Variants in RALYL observed in about 807,000 individuals in gnomAD.
The protein encoded by RALYL is RNA-binding Raly-like protein.
Under a neutral mutation model 35.1 loss-of-function variants are expected in RALYL, and 29 were observed. The ratio of observed to expected loss-of-function variants is 0.83; its 90% confidence interval spans 0.61 to 1.13. RALYL has a LOEUF of 1.13. Ranked by LOEUF, RALYL falls within the 50% of genes most tolerant of loss-of-function variation. RALYL has a pLI of 0.00. For missense variants in RALYL, 359 were observed against 360.4 expected (o/e 1.00, Z 0.03); for synonymous variants, 120 against 127.6 (o/e 0.94, Z 0.40).
chr8:84,265,135 T>C (rs1186153035), intron 1 of RALYL, among the ~76,000 whole-genome samples: 1 of 152,206 alleles, frequency 6.6e-6, no homozygotes, highest in Non-Finnish European at 1.5e-5. Context: ...ATAGTCCTTG[T>C]TGGTGTACAC....
intron 8 of RALYL, among the ~76,000 whole-genome samples, chr8:84,895,210 T>C (rs553582108): frequency 6.6e-6 from 1 of 152,208 alleles, no homozygotes; most frequent in South Asian, 2.1e-4. Flanking sequence ...TTCCCTGTCC[T>C]ACTGAGAACA....
intron 2 of RALYL, among the ~76,000 whole-genome samples, chr8:84,582,539 A>T (rs751228569): frequency 2.6e-5 from 4 of 152,068 alleles, no homozygotes; most frequent in Non-Finnish European, 5.9e-5. Flanking sequence ...TCTCTCATTC[A>T]TGATTTTTTT....
chr8:84,312,867 A>T (rs1317310512), intron 1 of RALYL, among the ~76,000 whole-genome samples: 1 of 152,144 alleles, frequency 6.6e-6, no homozygotes, highest in Non-Finnish European at 1.5e-5. Flanking sequence ...TCACAGCTCC[A>T]CTAGGCTCTA....
intron 2 of RALYL, among the ~76,000 whole-genome samples, chr8:84,618,549 T>C (rs1820436245): frequency 1.5e-5 from 2 of 131,472 alleles, no homozygotes; most frequent in Admixed American, 1.6e-4. Context: ...AACCAGCTCC[T>C]GGATTCATTA....
At chr8:84,791,545 C>T (rs1820781862) in intron 3 of RALYL, among the ~76,000 whole-genome samples, 1 of 152,022 alleles carries the variant, frequency 6.6e-6, no homozygotes, top group East Asian at 1.9e-4. Flanking sequence ...TCTGAAAAGT[C>T]CCATTAGCCA....
intron 2 of RALYL, among the ~76,000 whole-genome samples, chr8:84,591,852 C>T (rs1385764116): frequency 1.3e-5 from 2 of 152,066 alleles, no homozygotes; most frequent in Non-Finnish European, 2.9e-5. Context: ...CTATAATTTA[C>T]CTTTAGTTAA....
chr8:84,515,880 G>C (rs888015457), intron 1 of RALYL, among the ~76,000 whole-genome samples: 1 of 152,022 alleles, frequency 6.6e-6, no homozygotes, highest in Non-Finnish European at 1.5e-5. Flanking sequence ...TCGGAATTTT[G>C]ACTCTCAACA....
intron 7 of RALYL, among the ~76,000 whole-genome samples, chr8:84,876,978 A>G (rs1372283495): frequency 6.6e-6 from 1 of 152,178 alleles, no homozygotes; most frequent in Non-Finnish European, 1.5e-5. Flanking sequence ...CATGGCATGC[A>G]CTTTTCAGTT....
chr8:84,921,492 A>G lies in RALYL; in HGVS notation c.*581A>G, dbSNP rs1849309460. ...ATGCAGATATTTCAGATGTGATATA[A>G]TAGTTAAAGAACTGTTGGTTTGATC... On this transcript the variant is annotated 3_prime_UTR_variant, in exon 9 of 9. Transcript: ENST00000521268. 6.6e-6 allele frequency: 1 copy of G among 152,148 alleles called. No homozygotes were observed. The allele number at this position is 152,148 out of a possible 1,614,324, so 9.4% of individuals were successfully genotyped here. A position where few individuals can be genotyped will look rare whatever the true frequency, so the allele number is the denominator to read the frequency against.
rs540558405 is a variant in RALYL, at chr8:84,881,172, T to C, written c.686-6432T>C. 2.0e-5 allele frequency among the ~76,000 whole-genome samples: 3 copies of C among 152,112 alleles called. No individual in the cohort carries two copies. The South Asian group carries it at 6.2e-4, about 31-fold the overall frequency. On this transcript the variant is annotated intron_variant, in intron 7 of 8. Coordinates refer to ENST00000521268, the MANE Select transcript of RALYL (RefSeq NM_173848.7). The stretch of plus-strand genomic sequence containing the variant: ...TAATATATTCATCTAAAACATTCTA[T>C]GTAATTTTCCTGATGTTCATTTATG...
chr8:84,281,320 T>G (rs893746913), intron 1 of RALYL, among the ~76,000 whole-genome samples: 5 of 152,210 alleles, frequency 3.3e-5, no homozygotes, highest in Admixed American at 3.3e-4. Context: ...TCAGTTTTGC[T>G]AAGTATCATC....
chr8:84,589,782 G>T (rs981264478), intron 2 of RALYL, among the ~76,000 whole-genome samples: 1 of 152,116 alleles, frequency 6.6e-6, no homozygotes, highest in African/African-American at 2.4e-5. Flanking sequence ...GCTAAAAGGG[G>T]AAAAGAAACA....
At chr8:84,701,122 G>A (rs1840107315) in intron 2 of RALYL, among the ~76,000 whole-genome samples, 1 of 152,094 alleles carries the variant, frequency 6.6e-6, no homozygotes. Flanking sequence ...GAATGACCTA[G>A]GAGAAAGGTT....
intron 3 of RALYL, among the ~76,000 whole-genome samples, chr8:84,781,636 G>GCAAA (rs1442344736): frequency 6.6e-5 from 10 of 152,102 alleles, no homozygotes; most frequent in Admixed American, 1.3e-4. Flanking sequence ...AAAAATCAAA[G>GCAAA]GAAGTAAAAC....
intron 1 of RALYL, among the ~76,000 whole-genome samples, chr8:84,213,517 TTATTTTTAAA>T (rs1820038591): frequency 6.6e-6 from 1 of 152,232 alleles, no homozygotes; most frequent in Non-Finnish European, 1.5e-5. Context: ...GCATCACATT[TTATTTTTAAA>T]ATTCTTATCT....
At chr8:84,805,018 C>G (rs1356150567) in intron 4 of RALYL, among the ~76,000 whole-genome samples, 1 of 152,122 alleles carries the variant, frequency 6.6e-6, no homozygotes, top group Non-Finnish European at 1.5e-5. Flanking sequence ...ATATGAAATC[C>G]TGTATCTTCC....
chr8:84,720,089 G>T (rs1308990031), intron 2 of RALYL, among the ~76,000 whole-genome samples: 2 of 151,974 alleles, frequency 1.3e-5, no homozygotes, highest in African/African-American at 4.8e-5. Flanking sequence ...CAAATGATAG[G>T]ATTCCAATCT....
At chr8:84,673,681 T>A (rs1173029047) in intron 2 of RALYL, among the ~76,000 whole-genome samples, 1 of 152,188 alleles carries the variant, frequency 6.6e-6, no homozygotes, top group Non-Finnish European at 1.5e-5. Context: ...AAAGATCAGA[T>A]AATTGTAGGT....
chr8:84,635,182 T>C (rs1323813694), intron 2 of RALYL, among the ~76,000 whole-genome samples: 1 of 151,778 alleles, frequency 6.6e-6, no homozygotes, highest in Non-Finnish European at 1.5e-5. Flanking sequence ...TTCTCACATT[T>C]CTATGAGAAG....
Sources: gnomAD v4.1 joint callset for allele counts (sites outside exome capture counted in the v4.1 genomes callset) on GRCh38, gnomAD v4.1.1 for gene constraint, MANE v1.5 for transcripts, NCBI Gene and HGNC (gene_info 2026-07-23, HGNC 2026-07-21) for gene names.